The following CFAP20DC variants were observed in gnomAD, a reference collection of about 807,000 sequenced individuals.
CFAP20DC encodes protein CFAP20DC.
A neutral mutation model predicts 101.7 loss-of-function variants in CFAP20DC; 84 were observed. The observed-to-expected ratio is 0.83, with a 90% confidence interval of 0.69 to 0.99. CFAP20DC has a LOEUF of 0.99. Among genes scored for constraint, CFAP20DC ranks in the 50% least tolerant of loss-of-function variants. The pLI, the probability that CFAP20DC is intolerant of heterozygous loss-of-function variation, is 0.00. For missense variants in CFAP20DC, 1,007 were observed against 970.3 expected (o/e 1.04, Z -0.50); for synonymous variants, 359 against 351.2 (o/e 1.02, Z -0.25).
intron 14 of CFAP20DC, among the ~76,000 whole-genome samples, chr3:58,825,145 C>T (rs1017183849): frequency 4.6e-5 from 7 of 152,152 alleles, no homozygotes; most frequent in African/African-American, 1.7e-4. Flanking sequence ...AGTCTGTATG[C>T]TGATGGTTAA....
chr3:58,810,162 C>A (rs973881288), intron 14 of CFAP20DC, among the ~76,000 whole-genome samples: 1 of 152,018 alleles, frequency 6.6e-6, no homozygotes, highest in South Asian at 2.1e-4. Flanking sequence ...GAAACTATTC[C>A]AATCAATAGA....
intron 4 of CFAP20DC, among the ~76,000 whole-genome samples, chr3:58,948,623 AT>A (rs1250175749): frequency 6.6e-5 from 10 of 152,232 alleles, no homozygotes; most frequent in Admixed American, 1.3e-4. Flanking sequence ...CCAGCCTTGC[AT>A]CCCAGGGATG....
chr3:58,977,591 C>G (rs1576562401), intron 4 of CFAP20DC, among the ~76,000 whole-genome samples: 2 of 152,096 alleles, frequency 1.3e-5, no homozygotes, highest in South Asian at 4.2e-4. Context: ...ATCTCACAAG[C>G]AGTGCTCCCT....
rs115508848 is a variant in CFAP20DC at position 58,974,215 on chromosome 3, T to C, written c.279-36453A>G. 3.0e-3 allele frequency among the ~76,000 whole-genome samples: 450 copies of C among 152,214 alleles called. 1 individual carries two copies. The highest frequency in any genetic ancestry group is 0.01 in the African/African-American group (425 of 41,530). On this transcript the variant is annotated intron_variant, in intron 4 of 16. Coordinates refer to ENST00000482387, the MANE Select transcript of CFAP20DC (RefSeq NM_001394063.1). ...GATCTTGTCACCTAGGTAGTGAGCA[T>C]AGTACCTACCTAACATGTAGTTTTT...
At chr3:58,935,935 A>G (rs1307066930) in intron 5 of CFAP20DC, among the ~76,000 whole-genome samples, 1 of 151,964 alleles carries the variant, frequency 6.6e-6, no homozygotes, top group Non-Finnish European at 1.5e-5. Context: ...GATCTAATTA[A>G]ACTGAAGAGC....
At chr3:58,816,529 C>G (rs531870811) in intron 14 of CFAP20DC, among the ~76,000 whole-genome samples, 6 of 152,104 alleles carry the variant, frequency 3.9e-5, no homozygotes, top group Non-Finnish European at 5.9e-5. Context: ...AAAGGGGTGA[C>G]GGACGCATCT....
intron 6 of CFAP20DC, among the ~76,000 whole-genome samples, chr3:58,907,094 C>CGTGTGTGTGT (rs35001935): frequency 4.0e-5 from 6 of 149,134 alleles, no homozygotes; most frequent in African/African-American, 1.5e-4. Flanking sequence ...CTTTGTGCCT[C>CGTGTGTGTGT]GTGTGTGTGT....
At chr3:58,819,271 A>G (rs1220809538) in intron 14 of CFAP20DC, among the ~76,000 whole-genome samples, 1 of 152,170 alleles carries the variant, frequency 6.6e-6, no homozygotes, top group Non-Finnish European at 1.5e-5. Flanking sequence ...AGCTAGCAGA[A>G]GGCAAGAGAT....
At chr3:58,945,387 T>A (rs1395010112) in intron 4 of CFAP20DC, among the ~76,000 whole-genome samples, 1 of 152,240 alleles carries the variant, frequency 6.6e-6, no homozygotes, top group Admixed American at 6.5e-5. Flanking sequence ...ACACAGTTCA[T>A]GTTTACCTTT....
Position 58,742,522 on chromosome 3 carries a change from A to G in CFAP20DC, c.2383T>C (p.Tyr795His). 6.2e-7 allele frequency: 1 copy of G among 1,610,016 alleles called. No homozygotes were observed. The highest frequency in any genetic ancestry group is 8.5e-7 in the Non-Finnish European group (1 of 1,178,122). ...EEDEEVLTLL[Y>H]DPCLNCYFDP... ...AAGTAACAGTTCAGACAAGGGTCATACAACAAAGTCAGTACTTCCTCGTCC... is the reference window on the plus strand; with the variant it reads ...AAGTAACAGTTCAGACAAGGGTCATGCAACAAAGTCAGTACTTCCTCGTCC... Residue 795 changes from tyrosine to histidine, a missense_variant, in exon 17 of 17, where the codon TAT becomes CAT. Physicochemically the swap from Tyr to His is moderately conservative, Grantham distance 83. Transcript: ENST00000482387.
intron 4 of CFAP20DC, among the ~76,000 whole-genome samples, chr3:58,940,150 C>A (rs2088329701): frequency 3.3e-5 from 5 of 152,186 alleles, no homozygotes; most frequent in Admixed American, 3.3e-4. Context: ...TCATATGGAA[C>A]TACAAGAACA....
At position 58,951,071 on chromosome 3, in the gene CFAP20DC, A is replaced by AT. The variant is rs548218105; in HGVS notation, c.279-13310_279-13309insA. On this transcript the variant is annotated intron_variant, in intron 4 of 16. Coordinates refer to ENST00000482387, the MANE Select transcript of CFAP20DC (RefSeq NM_001394063.1). ...ACTCAAACAAATTTACAAGAAAAAA[A>AT]CAACCCCATCAACAAGTGGGTGAAG... Among the ~76,000 whole-genome samples the AT allele has an allele frequency of 7.8e-3, 1,184 of 152,320 alleles. 17 individuals are homozygous for AT. The highest frequency in any genetic ancestry group is 0.027 in the African/African-American group (1,133 of 41,574).
chr3:58,923,316 C>T (rs1210888449), intron 5 of CFAP20DC, among the ~76,000 whole-genome samples: 1 of 152,108 alleles, frequency 6.6e-6, no homozygotes, highest in African/African-American at 2.4e-5. Flanking sequence ...TACTGGCATT[C>T]TTTGTTCTTT....
At position 58,866,571 on chromosome 3, in the gene CFAP20DC, T is replaced by A. The variant is rs1276658124; in HGVS notation, c.1253A>T (p.Gln418Leu). Residue 418 changes from glutamine to leucine, a missense_variant, in exon 11 of 17, where the codon CAA becomes CTA. Physicochemically the swap from Gln to Leu is moderately radical, Grantham distance 113. Coordinates refer to ENST00000482387, the MANE Select transcript of CFAP20DC (RefSeq NM_001394063.1). Reference sequence around the variant, plus strand: ...GGTGTAATAAAGATGCCAACCTGATTGATCAGGAGACTGGGGTCCTAGAGT... The same window carrying A: ...GGTGTAATAAAGATGCCAACCTGATAGATCAGGAGACTGGGGTCCTAGAGT... ...SGTLGPQSPD[Q>L]SDEWIFPENA... is the part of the protein sequence containing the mutation. The A allele has an allele frequency of 6.2e-7, 1 of 1,606,558 alleles. No homozygotes were observed. Among genetic ancestry groups the A allele is most frequent in the Non-Finnish European group, 8.5e-7 (1 of 1,177,388 alleles).
chr3:58,812,369 G>T (rs572342507), intron 14 of CFAP20DC, among the ~76,000 whole-genome samples: 1 of 152,242 alleles, frequency 6.6e-6, no homozygotes, highest in South Asian at 2.1e-4. Context: ...GGAATACTAT[G>T]CAGCCATAAA....
chr3:59,008,988 C>T (rs2093513627), intron 4 of CFAP20DC, among the ~76,000 whole-genome samples: 1 of 152,250 alleles, frequency 6.6e-6, no homozygotes, highest in East Asian at 1.9e-4. Flanking sequence ...CCCACCCACA[C>T]ACCAAGAATA....
rs571634723 is a variant in CFAP20DC, at chr3:58,808,552, C to G, written c.2176-2096G>C. ...CACCACCAGCCCTGCCCTAAAAGAG[C>G]TCCTGAAGGAACCGCTAAACATGGA... On this transcript the variant is annotated intron_variant, in intron 14 of 16. Transcript: ENST00000482387. 2.0e-5 allele frequency among the ~76,000 whole-genome samples: 3 copies of G among 152,306 alleles called. No homozygotes were observed. In the South Asian group the frequency reaches 6.2e-4, roughly 32 times the overall value.
At chr3:58,951,972 T>C (rs1425718628) in intron 4 of CFAP20DC, among the ~76,000 whole-genome samples, 1 of 152,186 alleles carries the variant, frequency 6.6e-6, no homozygotes, top group Non-Finnish European at 1.5e-5. Context: ...GATAAGTTCC[T>C]CATGTTAACT....
At chr3:58,815,932 C>A (rs899460771) in intron 14 of CFAP20DC, among the ~76,000 whole-genome samples, 2 of 151,500 alleles carry the variant, frequency 1.3e-5, no homozygotes, top group African/African-American at 4.9e-5. Flanking sequence ...CTAGTTCAAC[C>A]ATTGTGGAAG....
Sources: gnomAD v4.1 joint callset for allele counts (sites outside exome capture counted in the v4.1 genomes callset) on GRCh38, gnomAD v4.1.1 for gene constraint, MANE v1.5 for transcripts, NCBI Gene and HGNC (gene_info 2026-07-23, HGNC 2026-07-21) for gene names.